The following RBFOX1 variants were observed in gnomAD, a reference collection of about 807,000 sequenced individuals.
RBFOX1 encodes RNA binding protein fox-1 homolog 1.
Under a neutral mutation model 57.7 loss-of-function variants are expected in RBFOX1, and 8 were observed. The ratio of observed to expected loss-of-function variants is 0.14; its 90% CI spans 0.08 to 0.25. The LOEUF (loss-of-function observed/expected upper bound fraction) is 0.25, where lower values mean the gene tolerates loss of function less well. RBFOX1 is among the 10% of genes least tolerant of loss of function. The probability of loss-of-function intolerance (pLI) is 1.00; values close to 1 mark genes in which losing one functional copy is unlikely to be tolerated. For missense variants in RBFOX1, 611 were observed against 548.5 expected, an observed-to-expected ratio of 1.11 and a Z score of -1.14; for synonymous variants, 326 against 222.4, an observed-to-expected ratio of 1.47 and a Z score of -4.15.
At chr16:7,218,951 A>T (rs1279535635) in intron 4 of RBFOX1, among the ~76,000 whole-genome samples, 1 of 152,110 alleles carries the variant, frequency 6.6e-6, no homozygotes, top group Non-Finnish European at 1.5e-5. Flanking sequence ...GTCTGTGCCT[A>T]GCAGAGCTGA....
In RBFOX1 at chr16:7,460,314, C is replaced by T. The variant is rs549259761; in HGVS notation, c.28-57833C>T. Among the ~76,000 whole-genome samples, 20 of 147,936 alleles carry T rather than the reference C, an allele frequency of 1.4e-4. No homozygotes were observed. The East Asian group carries it at 3.2e-3, about 24-fold the overall frequency. ...CTAGCCAGCCCACGTATCTCTTCCACAGACTTCTGGTATTTCATTGGCCAG... is the reference window on the plus strand; with the variant it reads ...CTAGCCAGCCCACGTATCTCTTCCATAGACTTCTGGTATTTCATTGGCCAG... On this transcript the variant is annotated intron_variant, in intron 4 of 15. Coordinates refer to ENST00000550418, the MANE Select transcript of RBFOX1 (RefSeq NM_018723.4).
chr16:5,335,830 C>T (rs533187609), intron 1 of RBFOX1, among the ~76,000 whole-genome samples: 1 of 152,204 alleles, frequency 6.6e-6, no homozygotes, highest in East Asian at 1.9e-4. Context: ...GTGAATGGAT[C>T]CTATCAAAAG....
At chr16:7,113,144 C>G (rs181850750) in intron 4 of RBFOX1, among the ~76,000 whole-genome samples, 1 of 152,110 alleles carries the variant, frequency 6.6e-6, no homozygotes, top group Non-Finnish European at 1.5e-5. Context: ...CAGATATATA[C>G]GTTTTTAATT....
intron 2 of RBFOX1, among the ~76,000 whole-genome samples, chr16:6,333,546 C>A (rs1023194343): frequency 1.3e-5 from 2 of 152,142 alleles, no homozygotes; most frequent in African/African-American, 2.4e-5. Flanking sequence ...TTCTCATCAG[C>A]TTTTCATCCT....
At chr16:7,468,162 G>A (rs1461144066) in intron 4 of RBFOX1, among the ~76,000 whole-genome samples, 1 of 152,160 alleles carries the variant, frequency 6.6e-6, no homozygotes, top group Admixed American at 6.5e-5. Context: ...AATCTCCACA[G>A]TAAAGTTGCT....
intron 3 of RBFOX1, among the ~76,000 whole-genome samples, chr16:6,814,582 C>G (rs35334131): frequency 6.6e-6 from 1 of 151,920 alleles, no homozygotes; most frequent in African/African-American, 2.4e-5. Flanking sequence ...ATGATAGATG[C>G]GAATCACAGA....
At chr16:5,646,060 C>A (rs539546034) in intron 3 of RBFOX1, among the ~76,000 whole-genome samples, 3 of 151,564 alleles carry the variant, frequency 2.0e-5, no homozygotes, top group Non-Finnish European at 4.4e-5. Flanking sequence ...GACGGAGTCT[C>A]GCTGTGTTGC....
chr16:5,600,007 A>C (rs368152707), exon 3 of RBFOX1: 4 of 151,782 alleles, frequency 2.6e-5, no homozygotes, highest in African/African-American at 9.7e-5. Context: ...TAAACAAATT[A>C]GGCCGGGCAC....
chr16:6,135,319 C>T (rs190955097), intron 1 of RBFOX1, among the ~76,000 whole-genome samples: 1 of 152,170 alleles, frequency 6.6e-6, no homozygotes, highest in South Asian at 2.1e-4. Flanking sequence ...ATTGGCTGTA[C>T]TTTGAAACTC....
intron 1 of RBFOX1, among the ~76,000 whole-genome samples, chr16:6,142,109 C>T (rs1371357201): frequency 7.3e-6 from 1 of 137,206 alleles, no homozygotes. Context: ...GCCTGTCTTA[C>T]TTCTCGATCC....
At chr16:7,485,217 A>G (rs1253901192) in intron 4 of RBFOX1, among the ~76,000 whole-genome samples, 2 of 152,208 alleles carry the variant, frequency 1.3e-5, no homozygotes, top group Non-Finnish European at 2.9e-5. Flanking sequence ...TTTTACAACT[A>G]TAATGACTAG....
intron 2 of RBFOX1, among the ~76,000 whole-genome samples, chr16:6,461,386 T>G (rs999424858): frequency 5.9e-5 from 9 of 152,206 alleles, no homozygotes; most frequent in African/African-American, 2.2e-4. Flanking sequence ...TTCTGAGGTT[T>G]GAGGGATTAA....
intron 3 of RBFOX1, among the ~76,000 whole-genome samples, chr16:6,956,699 C>T (rs1306461187): frequency 6.6e-6 from 1 of 152,176 alleles, no homozygotes; most frequent in Non-Finnish European, 1.5e-5. Flanking sequence ...GGCATTTGCT[C>T]TGCTTAATGC....
chr16:6,470,869 T>C (rs1460974011), intron 2 of RBFOX1, among the ~76,000 whole-genome samples: 3 of 152,182 alleles, frequency 2.0e-5, no homozygotes, highest in Admixed American at 6.5e-5. Context: ...ATTTATCAAA[T>C]ATTTACCAAA....
intron 3 of RBFOX1, among the ~76,000 whole-genome samples, chr16:5,807,053 C>G (rs2055253348): frequency 6.6e-6 from 1 of 152,172 alleles, no homozygotes; most frequent in Non-Finnish European, 1.5e-5. Context: ...GATGGCTGAG[C>G]CTGGCCCAGT....
At chr16:6,974,335 T>C (rs941187535) in intron 3 of RBFOX1, among the ~76,000 whole-genome samples, 4 of 122,408 alleles carry the variant, frequency 3.3e-5, no homozygotes, top group Admixed American at 2.6e-4. Flanking sequence ...TTTTTCTTTT[T>C]CTTTTTTTTT....
At chr16:7,218,628 CTGTGTGTGTGTGTGTG>C (rs60333818) in intron 4 of RBFOX1, among the ~76,000 whole-genome samples, 43 of 127,534 alleles carry the variant, frequency 3.4e-4, no homozygotes, top group South Asian at 7.3e-4. Context: ...TGGGGGTTTG[CTGTGTGTGTGTGTGTG>C]TGTGTGTGTG....
rs190554327 is a variant in RBFOX1, at chr16:5,436,449, G to T, written c.220-30767G>T. ...TATTCTCTAAGCTCTTTGCATTCAG[G>T]CCACATTACTAAGAAGTACTTCTCT... On this transcript the variant is annotated intron_variant, in intron 1 of 2. Transcript: ENST00000585867. 1.8e-4 allele frequency among the ~76,000 whole-genome samples: 28 copies of T among 152,222 alleles called. No homozygotes were observed. The East Asian group carries it at 5.2e-3, about 28-fold the overall frequency.
intron 4 of RBFOX1, among the ~76,000 whole-genome samples, chr16:7,352,765 G>T (rs1039033976): frequency 1.3e-5 from 2 of 152,012 alleles, no homozygotes; most frequent in African/African-American, 2.4e-5. Context: ...ACCAAAGCTG[G>T]AGTGCAGTGG....
Sources: allele counts gnomAD v4.1 joint callset (sites outside exome capture counted in the v4.1 genomes callset), GRCh38; gene constraint gnomAD v4.1.1; transcripts MANE v1.5; gene names NCBI Gene and HGNC (gene_info 2026-07-23, HGNC 2026-07-21).